The following SHQ1 variants were observed in gnomAD, a reference collection of about 807,000 sequenced individuals.
SHQ1 encodes protein SHQ1 homolog.
Under a neutral mutation model 53.8 loss-of-function variants are expected in SHQ1, and 49 were observed. That is an observed-to-expected ratio of 0.91 (90% confidence interval 0.72 to 1.16). SHQ1 has a LOEUF of 1.16. Ranked by LOEUF, SHQ1 falls within the 50% of genes most tolerant of loss-of-function variation. SHQ1 has a pLI of 0.00. For synonymous variants in SHQ1, 243 were observed against 251.0 expected, an observed-to-expected ratio of 0.97 and a Z score of 0.30; for missense variants, 738 against 683.1, an observed-to-expected ratio of 1.08 and a Z score of -0.90.
chr3:72,788,020 A>G (rs1457078025), intron 10 of SHQ1, among the ~76,000 whole-genome samples: 1 of 152,100 alleles, frequency 6.6e-6, no homozygotes, highest in Admixed American at 6.5e-5. Flanking sequence ...TCAGTGCTCA[A>G]TGTTGCCCAG....
At chr3:72,744,179 G>C in the SHQ1 span, among the ~76,000 whole-genome samples, 1 of 152,158 alleles carries the variant, frequency 6.6e-6, no homozygotes, top group Non-Finnish European at 1.5e-5. Flanking sequence ...AGACCAAGCC[G>C]GGCTCACAAG....
chr3:72,728,725 C>T, the SHQ1 span, among the ~76,000 whole-genome samples: 1 of 152,188 alleles, frequency 6.6e-6, no homozygotes, highest in African/African-American at 2.4e-5. Context: ...GATGCAATTG[C>T]TTGAGGCACA....
chr3:72,834,629 C>T (rs1346422164), intron 4 of SHQ1, among the ~76,000 whole-genome samples: 1 of 152,232 alleles, frequency 6.6e-6, no homozygotes, highest in African/African-American at 2.4e-5. Flanking sequence ...TGTCTCCAAA[C>T]TTACAAAAAT....
At chr3:72,775,518 T>C (rs141400515) in intron 10 of SHQ1, among the ~76,000 whole-genome samples, 1,569 of 150,092 alleles carry the variant, frequency 0.01, 16 homozygotes, top group Non-Finnish European at 0.016. Context: ...ATCATTTCAA[T>C]ATTACGTGCA....
At chr3:72,797,928 T>G (rs577272479) in intron 9 of SHQ1, among the ~76,000 whole-genome samples, 2 of 152,276 alleles carry the variant, frequency 1.3e-5, no homozygotes, top group Admixed American at 1.3e-4. Context: ...GACTGCTCTT[T>G]CTATCAGACC....
intron 1 of SHQ1, among the ~76,000 whole-genome samples, chr3:72,847,595 C>T (rs1158876068): frequency 6.6e-6 from 1 of 151,704 alleles, no homozygotes; most frequent in African/African-American, 2.4e-5. Context: ...GCTGACAGAC[C>T]CTCACGGAGA....
chr3:72,761,101 T>C (rs1349018054), intron 10 of SHQ1, among the ~76,000 whole-genome samples: 1 of 152,216 alleles, frequency 6.6e-6, no homozygotes, highest in Non-Finnish European at 1.5e-5. Flanking sequence ...CGCATTAATA[T>C]ATATCTGACA....
the SHQ1 span, among the ~76,000 whole-genome samples, chr3:72,727,954 G>A: frequency 3.0e-4 from 45 of 152,314 alleles, 1 homozygote; most frequent in African/African-American, 9.4e-4. Flanking sequence ...CACTCAGCCT[G>A]CGTGAAGAGC....
At chr3:72,779,818 A>G (rs1285598363) in intron 10 of SHQ1, among the ~76,000 whole-genome samples, 2 of 152,252 alleles carry the variant, frequency 1.3e-5, no homozygotes, top group Non-Finnish European at 2.9e-5. Flanking sequence ...TTGAAATAGT[A>G]TGATTAACAG....
chr3:72,776,313 A>C (rs1322471298), intron 10 of SHQ1, among the ~76,000 whole-genome samples: 1 of 152,168 alleles, frequency 6.6e-6, no homozygotes, highest in Non-Finnish European at 1.5e-5. Flanking sequence ...TACCTTTTCC[A>C]TATTTAGATA....
At chr3:72,848,167 C>G (rs774097532) in intron 1 of SHQ1, 31 bp downstream of exon 1, 2 of 1,613,844 alleles carry the variant, frequency 1.2e-6, no homozygotes, top group East Asian at 2.2e-5. Context: ...AACGAATGCG[C>G]CTTTCCTGCG....
downstream of SHQ1, among the ~76,000 whole-genome samples, chr3:72,747,495 A>G (rs960461660): frequency 4.6e-5 from 7 of 152,240 alleles, no homozygotes; most frequent in Non-Finnish European, 1.0e-4. Flanking sequence ...TACTGCTTTG[A>G]AAGACTTTCC....
chr3:72,843,745 AC>A (rs766103419), intron 2 of SHQ1, among the ~76,000 whole-genome samples: 7 of 149,368 alleles, frequency 4.7e-5, no homozygotes, highest in African/African-American at 9.9e-5. Context: ...CATTTAACCC[AC>A]CCCCCCATAC....
intron 9 of SHQ1, among the ~76,000 whole-genome samples, chr3:72,808,831 T>C (rs551953993): frequency 1.3e-5 from 2 of 152,290 alleles, no homozygotes; most frequent in East Asian, 3.9e-4. Flanking sequence ...GTATCAAGTA[T>C]CCCTTTATTT....
At chr3:72,817,723 G>A (rs17010173) in intron 6 of SHQ1, among the ~76,000 whole-genome samples, 1,559 of 152,128 alleles carry the variant, frequency 0.01, 26 homozygotes, top group African/African-American at 0.036. Context: ...ACAACAGAAA[G>A]TGCTAAATAA....
chr3:72,733,783 T>C, the SHQ1 span, among the ~76,000 whole-genome samples: 1 of 151,632 alleles, frequency 6.6e-6, no homozygotes, highest in South Asian at 2.1e-4. Context: ...GCCACAGTAA[T>C]AGTCTCCCTT....
rs1298255006 is a variant in SHQ1 at position 72,763,062 on chromosome 3, C to CAG, written c.1182-12228_1182-12227dup. Among the ~76,000 whole-genome samples, 303 of 76,240 alleles carry CAG rather than the reference C, an allele frequency of 4.0e-3. 3 individuals carry two copies. Among genetic ancestry groups the CAG allele is most frequent in the Middle Eastern group, 6.9e-3 (1 of 144 alleles). The allele number at this position is 76,240 out of a possible 152,430, so 50.0% of individuals were successfully genotyped here. ...ACACACACACACACACACACACACA[C>CAG]AGAGAGAGAGAGAGAGAGAGAGAGA... is the stretch of plus-strand genomic sequence containing the variant. On this transcript the variant is annotated intron_variant, in intron 10 of 10. Transcript: ENST00000325599.
Position 72,848,330 on chromosome 3 carries a change from G to C in SHQ1, c.11C>G (p.Pro4Arg). 2 of 1,614,036 alleles carry C rather than the reference G, an allele frequency of 1.2e-6. No individual in the cohort carries two copies. Among genetic ancestry groups the C allele is most frequent in the Non-Finnish European group, 8.5e-7 (1 of 1,179,974 alleles). Residue 4 changes from proline to arginine, a missense_variant, in exon 1 of 11, where the codon CCG becomes CGG. Coordinates refer to ENST00000325599, the MANE Select transcript of SHQ1 (RefSeq NM_018130.3). ...CGGATCCTGGCTGAGGTCGAACGCCGGGGTCAGCATCGCCGCACCGGACGC... is the reference window on the plus strand; with the variant it reads ...CGGATCCTGGCTGAGGTCGAACGCCCGGGTCAGCATCGCCGCACCGGACGC... MLTPAFDLSQDPDF... is the reference protein window; with the variant it reads MLTRAFDLSQDPDF...
chr3:72,781,456 C>T (rs1264068482), intron 10 of SHQ1, among the ~76,000 whole-genome samples: 2 of 152,166 alleles, frequency 1.3e-5, no homozygotes, highest in African/African-American at 4.8e-5. Context: ...TTCTTCAGTG[C>T]TTGAGTTTTC....
Sources: gnomAD v4.1 joint callset for allele counts (sites outside exome capture counted in the v4.1 genomes callset) on GRCh38, gnomAD v4.1.1 for gene constraint, MANE v1.5 for transcripts, NCBI Gene and HGNC (gene_info 2026-07-23, HGNC 2026-07-21) for gene names.